Variants in CBFA2T3 observed in about 807,000 individuals in gnomAD.
The protein encoded by CBFA2T3 is transcriptional corepressor CBFA2T3.
A neutral mutation model predicts 58.6 loss-of-function variants in CBFA2T3; 31 were observed. The ratio of observed to expected loss-of-function variants is 0.53; its 90% CI spans 0.40 to 0.71. CBFA2T3 has a LOEUF of 0.71. CBFA2T3 is among the 30% of genes least tolerant of loss of function. The pLI is 0.00. For synonymous variants in CBFA2T3, 531 were observed against 421.9 expected (o/e 1.26, Z -3.17); for missense variants, 1,076 against 963.1 (o/e 1.12, Z -1.55).
chr16:88,967,628 AAG>A (rs1380211031), intron 1 of CBFA2T3, among the ~76,000 whole-genome samples: 3 of 151,476 alleles, frequency 2.0e-5, no homozygotes, highest in African/African-American at 7.3e-5. Flanking sequence ...CCTTTCTATA[AAG>A]AAGAGGGAAG....
intron 1 of CBFA2T3, among the ~76,000 whole-genome samples, chr16:88,916,189 GGTGT>G (rs550076528): frequency 1.4e-5 from 2 of 145,182 alleles, no homozygotes; most frequent in African/African-American, 5.0e-5. Flanking sequence ...TGTGCGCATG[GGTGT>G]GTGTCCGTGT....
intron 11 of CBFA2T3, among the ~76,000 whole-genome samples, chr16:88,878,546 G>A (rs964488863): frequency 6.6e-6 from 1 of 152,234 alleles, no homozygotes; most frequent in African/African-American, 2.4e-5. Flanking sequence ...CACAAGCATC[G>A]TAATTCTCAG....
intron 2 of CBFA2T3, among the ~76,000 whole-genome samples, chr16:88,898,626 G>A (rs1021954636): frequency 6.6e-6 from 1 of 152,200 alleles, no homozygotes; most frequent in Admixed American, 6.5e-5. Flanking sequence ...CCATCCTCAG[G>A]GACCTGGGCC....
chr16:88,930,116 C>G (rs1038553325), intron 1 of CBFA2T3, among the ~76,000 whole-genome samples: 1 of 146,848 alleles, frequency 6.8e-6, no homozygotes, highest in Non-Finnish European at 1.5e-5. Context: ...CTACCAATAC[C>G]CAGAGCTGCA....
intron 1 of CBFA2T3, among the ~76,000 whole-genome samples, chr16:88,976,140 C>T (rs374254616): frequency 2.4e-4 from 36 of 152,310 alleles, no homozygotes; most frequent in African/African-American, 8.7e-4. Flanking sequence ...TCCCCGTAAA[C>T]CCCCACTGCC....
At chr16:88,907,464 C>G (rs147386126) in intron 1 of CBFA2T3, among the ~76,000 whole-genome samples, 6 of 152,352 alleles carry the variant, frequency 3.9e-5, no homozygotes, top group Admixed American at 1.3e-4. Flanking sequence ...GAGAAGGGCT[C>G]TGACGCCCGG....
At chr16:88,880,547 A>G (rs564705) in intron 10 of CBFA2T3, among the ~76,000 whole-genome samples, 173 bp downstream of exon 10, 130,786 of 152,224 alleles carry the variant, frequency 0.86, 56,598 homozygotes, top group African/African-American at 0.97. Flanking sequence ...GTCCTGCCCT[A>G]AGTGTGAACC....
intron 1 of CBFA2T3, among the ~76,000 whole-genome samples, chr16:88,957,267 C>G (rs959774186): frequency 5.9e-5 from 9 of 152,228 alleles, no homozygotes; most frequent in African/African-American, 2.2e-4. Flanking sequence ...GCTGATGGCC[C>G]CAGAGGTTCC....
At chr16:88,909,923 G>A (rs1368041326) in intron 1 of CBFA2T3, among the ~76,000 whole-genome samples, 1 of 152,212 alleles carries the variant, frequency 6.6e-6, no homozygotes, top group African/African-American at 2.4e-5. Context: ...CCGTACACTT[G>A]GATTTCTGGG....
chr16:88,881,603 G>T, intron 8 of CBFA2T3, 114 bp from the exon 9 acceptor site: 2 of 1,056,614 alleles, frequency 1.9e-6, no homozygotes, highest in South Asian at 1.6e-5. Context: ...CCAGCCCACC[G>T]CCCGTGAGAG....
chr16:88,969,324 G>A (rs1972590701), intron 1 of CBFA2T3, among the ~76,000 whole-genome samples: 1 of 152,206 alleles, frequency 6.6e-6, no homozygotes, highest in South Asian at 2.1e-4. Flanking sequence ...CCACAGGGTG[G>A]GGTGAATTCT....
At chr16:88,907,037 G>A (rs1044361979) in intron 1 of CBFA2T3, among the ~76,000 whole-genome samples, 3 of 152,178 alleles carry the variant, frequency 2.0e-5, no homozygotes, top group Non-Finnish European at 2.9e-5. Context: ...ATGAGCGGAA[G>A]GACCATCTTT....
rs528714612 is a variant in CBFA2T3, at chr16:88,876,181, C to T, written c.*795G>A. 4.7e-5 allele frequency: 11 copies of T among 231,750 alleles called. No individual in the cohort carries two copies. Among genetic ancestry groups the T allele is most frequent in the Middle Eastern group, 1.3e-3 (1 of 774 alleles). The allele number at this position is 231,750 out of a possible 1,614,324, so 14.4% of individuals were successfully genotyped here. Reference sequence around the variant, plus strand: ...ATTTCCTTTGGAGCAGAGGTGTGTCCGGTATCCTTGGCTGGCTAGCTAGCA... The same window carrying T: ...ATTTCCTTTGGAGCAGAGGTGTGTCTGGTATCCTTGGCTGGCTAGCTAGCA... On this transcript the variant is annotated 3_prime_UTR_variant, in exon 12 of 12. Coordinates refer to ENST00000268679, the MANE Select transcript of CBFA2T3 (RefSeq NM_005187.6).
chr16:88,896,319 CA>C (rs747477711), intron 3 of CBFA2T3, among the ~76,000 whole-genome samples: 14 of 152,208 alleles, frequency 9.2e-5, no homozygotes, highest in Non-Finnish European at 1.3e-4. Flanking sequence ...GCAACCTGCA[CA>C]GGGGGTAGCC....
At position 88,948,487 on chromosome 16, in the gene CBFA2T3, C is replaced by A. The variant is rs1201880892; in HGVS notation, c.151+28170G>T. ...CGTCTGGTGTGGGCACCAGATGACG[C>A]GGCTTCAAGTTGCCCACAAGGTCAA... is the stretch of plus-strand genomic sequence containing the variant. On this transcript the variant is annotated intron_variant, in intron 1 of 11. Transcript: ENST00000268679. 2.6e-5 allele frequency among the ~76,000 whole-genome samples: 4 copies of A among 152,318 alleles called. No individual in the cohort carries two copies. The East Asian group carries it at 7.7e-4, about 29-fold the overall frequency.
At chr16:88,879,642 GCACA>G in intron 10 of CBFA2T3, 182 bp from the exon 11 acceptor site, 1 of 589,156 alleles carries the variant, frequency 1.7e-6, no homozygotes, top group Non-Finnish European at 3.0e-6. Context: ...TAGCATCTGT[GCACA>G]CACAGACACA....
intron 1 of CBFA2T3, among the ~76,000 whole-genome samples, chr16:88,906,165 A>G (rs1970325500): frequency 6.6e-6 from 1 of 152,094 alleles, no homozygotes; most frequent in Non-Finnish European, 1.5e-5. Context: ...TGGAGCTCCC[A>G]CCGGCCCACA....
chr16:88,911,642 C>A (rs543710579), intron 1 of CBFA2T3, among the ~76,000 whole-genome samples: 1 of 152,248 alleles, frequency 6.6e-6, no homozygotes. Context: ...CGCAGAATCA[C>A]GGAGGGACGA....
At chr16:88,975,860 G>T (rs997587617) in intron 1 of CBFA2T3, among the ~76,000 whole-genome samples, 1 of 152,256 alleles carries the variant, frequency 6.6e-6, no homozygotes, top group Non-Finnish European at 1.5e-5. Flanking sequence ...AGTGTCAGGG[G>T]TGCAGTCAGA....
Sources: allele counts gnomAD v4.1 joint callset (sites outside exome capture counted in the v4.1 genomes callset), GRCh38; gene constraint gnomAD v4.1.1; transcripts MANE v1.5; gene names NCBI Gene and HGNC (gene_info 2026-07-23, HGNC 2026-07-21).